Variants in CRTAP observed in about 807,000 individuals in gnomAD.
CRTAP encodes cartilage-associated protein.
A neutral mutation model predicts 42.7 loss-of-function variants in CRTAP; 33 were observed. That is an observed-to-expected ratio of 0.77 (90% CI 0.59 to 1.03). The LOEUF (loss-of-function observed/expected upper bound fraction) is 1.03. CRTAP is among the 50% of genes least tolerant of loss of function. The pLI is 0.00. For missense variants in CRTAP, 613 were observed against 533.9 expected (o/e 1.15, Z -1.46); for synonymous variants, 243 against 217.7 (o/e 1.12, Z -1.02).
intron 1 of CRTAP, among the ~76,000 whole-genome samples, chr3:33,115,092 C>A (rs751270250): frequency 6.6e-6 from 1 of 152,072 alleles, no homozygotes; most frequent in Non-Finnish European, 1.5e-5. Flanking sequence ...TATAGGCGCG[C>A]GCCACCACAC....
intron 1 of CRTAP, among the ~76,000 whole-genome samples, chr3:33,117,115 A>AG (rs1323008992): frequency 2.0e-5 from 3 of 152,152 alleles, no homozygotes; most frequent in African/African-American, 7.2e-5. Context: ...GTCAAAAAAA[A>AG]GTGATGTTTA....
rs1003004892 is a variant in CRTAP, at chr3:33,146,586, A to G, written c.*4138A>G. 6.6e-6 allele frequency: 1 copy of G among 152,132 alleles called. No homozygotes were observed. The highest frequency in any genetic ancestry group is 1.9e-4 in the East Asian group (1 of 5,196). 9.4% of individuals were successfully genotyped at this position (152,132 alleles called of 1,614,324 possible). A position where few individuals can be genotyped will look rare whatever the true frequency, so the allele number is the denominator to read the frequency against. ...TCCTGATTTTCGAGACTTTCTAATT[A>G]CTACAACTAACCTGTTGTGCTCACC... is the stretch of plus-strand genomic sequence containing the variant. On this transcript the variant is annotated 3_prime_UTR_variant, in exon 7 of 7. Transcript: ENST00000320954.
Position 33,132,638 on chromosome 3 carries a change from G to A in CRTAP, c.1006G>A (p.Val336Met), listed in dbSNP as rs780385904. The A allele has an allele frequency of 1.9e-5, 31 of 1,614,110 alleles. No individual in the cohort carries two copies. Among genetic ancestry groups the A allele is most frequent in the Non-Finnish European group, 2.6e-5 (31 of 1,179,960 alleles). The change falls in exon 5 of 7, where the codon GTG (valine) becomes ATG (methionine). Residue 336 changes from valine (V) to methionine (M), a missense_variant. Coordinates refer to ENST00000320954, the MANE Select transcript of CRTAP (RefSeq NM_006371.5). ...QNDKVMQQNL[V>M]YYQYHRDTWG... ...TGACAAGGTCATGCAGCAGAACCTG[G>A]TGTATTACCAGTACCACAGGGACAC...
chr3:33,136,855 C>T (rs1027023475), intron 6 of CRTAP, among the ~76,000 whole-genome samples: 2 of 152,096 alleles, frequency 1.3e-5, no homozygotes, highest in Non-Finnish European at 1.5e-5. Flanking sequence ...CTTCCAACAC[C>T]GGAGATTACA....
At chr3:33,136,041 G>A (rs1330342889) in intron 6 of CRTAP, among the ~76,000 whole-genome samples, 1 of 152,094 alleles carries the variant, frequency 6.6e-6, no homozygotes, top group Non-Finnish European at 1.5e-5. Flanking sequence ...TCTCCTCTGG[G>A]CCAACATTCC....
intron 2 of CRTAP, among the ~76,000 whole-genome samples, chr3:33,121,518 A>G (rs1341745644): frequency 6.6e-6 from 1 of 152,154 alleles, no homozygotes; most frequent in East Asian, 1.9e-4. Flanking sequence ...TCTCAGGCTC[A>G]CTTTTTGACT....
chr3:33,116,352 A>G (rs1701343387), intron 1 of CRTAP, among the ~76,000 whole-genome samples: 1 of 152,030 alleles, frequency 6.6e-6, no homozygotes, highest in Non-Finnish European at 1.5e-5. Context: ...CTATCTATCT[A>G]TCTGTCTATC....
intron 4 of CRTAP, among the ~76,000 whole-genome samples, chr3:33,131,754 G>A (rs1204044382): frequency 6.6e-6 from 1 of 152,098 alleles, no homozygotes; most frequent in African/African-American, 2.4e-5. Flanking sequence ...ATGTCCCTAA[G>A]AGCTGGCTTT....
chr3:33,123,812 A>G (rs1559433722), intron 2 of CRTAP, among the ~76,000 whole-genome samples: 2 of 152,016 alleles, frequency 1.3e-5, no homozygotes. Flanking sequence ...TTTTTAGTAC[A>G]GATGGGGTTT....
In CRTAP at chr3:33,124,517, T is replaced by C. The variant is rs879789753; in HGVS notation, c.731T>C (p.Leu244Pro). ...PDFFKAFYEC[L>P]AACEGSREIK... is the part of the protein sequence containing the mutation. Reference sequence around the variant, plus strand: ...TTCTTCAAAGCCTTTTACGAGTGTCTCGCAGCCTGCGAGGGTTCCAGGGAG... The same window carrying C: ...TTCTTCAAAGCCTTTTACGAGTGTCCCGCAGCCTGCGAGGGTTCCAGGGAG... Residue 244 changes from leucine (L) to proline (P), a missense_variant, in exon 3 of 7, where the codon CTC becomes CCC. Transcript: ENST00000320954. The C allele has an allele frequency of 6.2e-7, 1 of 1,614,206 alleles. No individual in the cohort carries two copies. The highest frequency in any genetic ancestry group is 8.5e-7 in the Non-Finnish European group (1 of 1,180,038).
intron 6 of CRTAP, among the ~76,000 whole-genome samples, chr3:33,138,508 A>G (rs933711321): frequency 2.0e-5 from 3 of 152,140 alleles, no homozygotes; most frequent in African/African-American, 7.2e-5. Context: ...GTATTCAAGC[A>G]TTTTATTCTT....
At chr3:33,140,122 A>C (rs2030534767) in intron 6 of CRTAP, among the ~76,000 whole-genome samples, 1 of 152,344 alleles carries the variant, frequency 6.6e-6, no homozygotes, top group Non-Finnish European at 1.5e-5. Flanking sequence ...TATAGAAAGC[A>C]AATCATAGAT....
chr3:33,125,440 GT>G (rs1184905992), intron 3 of CRTAP, among the ~76,000 whole-genome samples: 26 of 30,144 alleles, frequency 8.6e-4, no homozygotes, highest in African/African-American at 2.3e-3. Context: ...TTTCGGTTTT[GT>G]TTTTTTTTTT....
Position 33,144,981 on chromosome 3 carries a change from A to G in CRTAP, c.*2533A>G, listed in dbSNP as rs746736695. The G allele has an allele frequency of 1.3e-5, 2 of 152,280 alleles. No homozygotes were observed. Among genetic ancestry groups the G allele is most frequent in the Admixed American group, 6.5e-5 (1 of 15,290 alleles). 9.4% of individuals were successfully genotyped at this position (152,280 alleles called of 1,614,324 possible). A position where few individuals can be genotyped will look rare whatever the true frequency, so the allele number is the denominator to read the frequency against. ...AGGAGAAAGGCACAGCGTTTGGGAA[A>G]CAAGACTTTTCCTGCAATAGCCTGG... On this transcript the variant is annotated 3_prime_UTR_variant, in exon 7 of 7. Coordinates refer to ENST00000320954, the MANE Select transcript of CRTAP (RefSeq NM_006371.5).
rs984458663 is a variant in CRTAP, at chr3:33,129,946, T to C, written c.801T>C (p.Tyr267=). 1 of 1,613,340 alleles carries C rather than the reference T, an allele frequency of 6.2e-7. No individual in the cohort carries two copies. Residue 267 remains tyrosine, a synonymous_variant, in exon 4 of 7, where the codon TAT becomes TAC. Coordinates refer to ENST00000320954, the MANE Select transcript of CRTAP (RefSeq NM_006371.5). ...KDFYLSIADH[Y]VEVLECKIQC... is the part of the protein sequence containing the mutation. ...TTATATGTTTTGTTTCAGATCATTA[T>C]GTAGAAGTTCTGGAATGCAAAATAC...
intron 2 of CRTAP, among the ~76,000 whole-genome samples, chr3:33,121,691 G>A (rs538220226): frequency 6.6e-6 from 1 of 152,288 alleles, no homozygotes; most frequent in African/African-American, 2.4e-5. Flanking sequence ...AGGTGAGTAG[G>A]AATACTTCAC....
intron 2 of CRTAP, among the ~76,000 whole-genome samples, chr3:33,121,466 T>C (rs2029877847): frequency 6.6e-6 from 1 of 151,360 alleles, no homozygotes; most frequent in Admixed American, 6.6e-5. Flanking sequence ...GAAGTTATAG[T>C]TCCCAAGGCC....
At chr3:33,118,129 T>A (rs760397991) in intron 1 of CRTAP, among the ~76,000 whole-genome samples, 46 of 152,076 alleles carry the variant, frequency 3.0e-4, no homozygotes, top group Admixed American at 1.4e-3. Context: ...CCTGGCTAAT[T>A]TTTGTCTTTT....
chr3:33,122,730 A>AAAG lies in CRTAP; in HGVS notation c.622-1669_622-1667dup, dbSNP rs1270307082. Among the ~76,000 whole-genome samples, 71 of 119,032 alleles carry AAAG rather than the reference A, an allele frequency of 6.0e-4. 2 individuals are homozygous for AAAG. Among genetic ancestry groups the AAAG allele is most frequent in the Non-Finnish European group, 1.1e-3 (61 of 53,282 alleles). 78.1% of individuals were successfully genotyped at this position (119,032 alleles called of 152,430 possible). A position where few individuals can be genotyped will look rare whatever the true frequency, so the allele number is the denominator to read the frequency against. On this transcript the variant is annotated intron_variant, in intron 2 of 6. Transcript: ENST00000320954. Reference sequence around the variant, plus strand: ...GTCTCAAAAAAAAAAAAAAAAAAAAAAAGAAGAAGAAAATCCACTGTCTTT... The same window carrying AAAG: ...GTCTCAAAAAAAAAAAAAAAAAAAAAAAGAAGAAGAAGAAAATCCACTGTCTTT...
Sources: allele counts gnomAD v4.1 joint callset (sites outside exome capture counted in the v4.1 genomes callset), GRCh38; gene constraint gnomAD v4.1.1; transcripts MANE v1.5; gene names NCBI Gene and HGNC (gene_info 2026-07-23, HGNC 2026-07-21).